FBXL16: variants seen among roughly 807,000 people sequenced by gnomAD.
FBXL16 encodes F-box and leucine rich repeat protein 16.
A neutral mutation model predicts 36.7 loss-of-function variants in FBXL16; 7 were observed. That is an observed-to-expected ratio of 0.19 (90% CI 0.11 to 0.36). The LOEUF (loss-of-function observed/expected upper bound fraction) is 0.36, where lower values mean the gene tolerates loss of function less well. Ranked by LOEUF, FBXL16 falls within the 10% of genes least tolerant of loss-of-function variation. The pLI is 1.00. For synonymous variants in FBXL16, 355 were observed against 308.7 expected, an observed-to-expected ratio of 1.15 and a Z score of -1.57; for missense variants, 463 against 659.4, an observed-to-expected ratio of 0.70 and a Z score of 3.26.
Position 694,637 on chromosome 16 carries a change from C to A in FBXL16, c.1288G>T (p.Ala430Ser). The A allele has an allele frequency of 1.2e-6, 2 of 1,609,436 alleles. No homozygotes were observed. Among genetic ancestry groups the A allele is most frequent in the Non-Finnish European group, 1.7e-6 (2 of 1,178,224 alleles). The change falls in exon 5 of 6, where the codon GCA becomes TCA. Residue 430 changes from alanine to serine, a missense_variant. Physicochemically the swap from Ala to Ser is moderately conservative, Grantham distance 99. Coordinates refer to ENST00000397621, the MANE Select transcript of FBXL16 (RefSeq NM_153350.4). The stretch of plus-strand genomic sequence containing the variant: ...AGAGCAGAAACGGGGGTCTCACCTG[C>A]CAGAGACAGGAGGCGCAAACTCCCC... ...ALGSLRLLSL[A>S]GCPLLTTTGL...
Position 697,729 on chromosome 16 carries a change from G to C in FBXL16, c.-14-310C>G, listed in dbSNP as rs1387502305. Among the ~76,000 whole-genome samples, 1 of 152,018 alleles carries C rather than the reference G, an allele frequency of 6.6e-6. No homozygotes were observed. Among genetic ancestry groups the C allele is most frequent in the Non-Finnish European group, 1.5e-5 (1 of 68,010 alleles). ...TTGAAACAGAGTTCCGGCCGGGCGCGGTGGCTCATGCCTGTAATCCCAGCA... is the reference window on the plus strand; with the variant it reads ...TTGAAACAGAGTTCCGGCCGGGCGCCGTGGCTCATGCCTGTAATCCCAGCA... On this transcript the variant is annotated intron_variant, in intron 1 of 5. Transcript: ENST00000397621. The surrounding 1 kb of genome is among the most constrained non-coding windows in gnomAD (Gnocchi z 4.6).
Position 696,890 on chromosome 16 carries a change from G to A in FBXL16, c.516C>T (p.Cys172=), listed in dbSNP as rs1192265597. The part of the protein sequence containing the change: ...GFAARGFEGF[C]LVGVSDLDIC... ...TGTCCAGGTCGGAGACGCCAACCAG[G>A]CAGAAGCCCTCGAAGCCTCTGGCGG... Residue 172 remains cysteine, a synonymous_variant, in exon 2 of 6, where the codon TGC becomes TGT. Transcript: ENST00000397621. The A allele has an allele frequency of 2.5e-6, 4 of 1,610,042 alleles. No homozygotes were observed. The highest frequency in any genetic ancestry group is 8.5e-7 in the Non-Finnish European group (1 of 1,179,084).
At chr16:705,078 G>A (rs1233188188) in intron 1 of FBXL16, among the ~76,000 whole-genome samples, 1 of 152,124 alleles carries the variant, frequency 6.6e-6, no homozygotes, top group African/African-American at 2.4e-5. Flanking sequence ...TCCAGAAGCC[G>A]CCCGCCCGGG....
At chr16:702,509 G>A (rs977982991) in intron 1 of FBXL16, among the ~76,000 whole-genome samples, 8 of 152,176 alleles carry the variant, frequency 5.3e-5, no homozygotes, top group African/African-American at 1.2e-4. Context: ...GCATGTTCGC[G>A]GAATGAATGA....
At chr16:705,235 C>T (rs1029560016) in intron 1 of FBXL16, among the ~76,000 whole-genome samples, 1 of 152,210 alleles carries the variant, frequency 6.6e-6, no homozygotes, top group Non-Finnish European at 1.5e-5. Context: ...TTTCGGCGTC[C>T]CAGGAGGCAC....
At chr16:694,553 A>G in intron 5 of FBXL16, 81 bp downstream of exon 5, 1 of 1,528,490 alleles carries the variant, frequency 6.5e-7, no homozygotes, top group Non-Finnish European at 8.9e-7. Flanking sequence ...GAGTTTGCAC[A>G]AGGACCGGGC....
intron 5 of FBXL16, 37 bp downstream of exon 5, chr16:694,597 G>A (rs1204404701): frequency 3.1e-6 from 5 of 1,587,992 alleles, no homozygotes; most frequent in Non-Finnish European, 4.3e-6. Context: ...GGGGTGGGTG[G>A]TCACTGCCAG....
At chr16:694,530 C>T (rs2039995562) in intron 5 of FBXL16, 104 bp downstream of exon 5, 4 of 1,514,840 alleles carry the variant, frequency 2.6e-6, no homozygotes, top group South Asian at 2.5e-5. Context: ...GACTGTGTGT[C>T]CGCGCCGGGT....
chr16:696,752 C>G, intron 2 of FBXL16, 21 bp downstream of exon 2: 1 of 1,249,822 alleles, frequency 8.0e-7, no homozygotes, highest in Non-Finnish European at 1.0e-6. Context: ...CAGCCCTGTC[C>G]CCCCCGAGCC....
At chr16:694,750 G>A (rs1379386526) in intron 4 of FBXL16, 53 bp from the exon 5 acceptor site, 17 of 1,528,586 alleles carry the variant, frequency 1.1e-5, no homozygotes, top group Admixed American at 3.8e-5. Flanking sequence ...CGAGGCGGAG[G>A]GCACCCTGGG....
intron 2 of FBXL16, among the ~76,000 whole-genome samples, chr16:696,421 G>A (rs1211608154): frequency 6.6e-6 from 1 of 152,016 alleles, no homozygotes; most frequent in African/African-American, 2.4e-5. Context: ...CCACCACCAG[G>A]CCTGGCTAAT....
At chr16:704,514 A>G (rs1300301166) in intron 1 of FBXL16, among the ~76,000 whole-genome samples, 3 of 152,120 alleles carry the variant, frequency 2.0e-5, no homozygotes, top group African/African-American at 4.8e-5. Flanking sequence ...CTCTGGCCAG[A>G]CCAGCCAGGT....
At position 694,571 on chromosome 16, in the gene FBXL16, G is replaced by A. The variant is rs1203749195; in HGVS notation, c.1291+63C>T. ...TTTGCACAAGGACCGGGCAGGTTGG[G>A]CGGGTGGACTAAGTGGGGGTGGGTG... is the stretch of plus-strand genomic sequence containing the variant. On this transcript the variant is annotated intron_variant, in intron 5 of 5. Transcript: ENST00000397621. The A allele has an allele frequency of 1.2e-5, 19 of 1,545,528 alleles. No homozygotes were observed. The South Asian group carries it at 1.4e-4, about 12-fold the overall frequency.
rs538668302 is a variant in FBXL16 at position 696,044 on chromosome 16, G to A, written c.634-121C>T. Reference sequence around the variant, plus strand: ...CTGAAAACATTTGGCAGTGTGTGAGGAGGCGGGGCATCGGGACGAGAGCCC... The same window carrying A: ...CTGAAAACATTTGGCAGTGTGTGAGAAGGCGGGGCATCGGGACGAGAGCCC... On this transcript the variant is annotated intron_variant, in intron 2 of 5. Coordinates refer to ENST00000397621, the MANE Select transcript of FBXL16 (RefSeq NM_153350.4). The A allele has an allele frequency of 5.5e-5, 76 of 1,384,350 alleles. No individual in the cohort carries two copies. In the East Asian group the frequency reaches 1.1e-3, roughly 19 times the overall value. 85.8% of individuals were successfully genotyped at this position (1,384,350 alleles called of 1,614,324 possible).
intron 2 of FBXL16, 40 bp downstream of exon 2, chr16:696,733 C>T: frequency 6.8e-7 from 1 of 1,481,012 alleles, no homozygotes. Flanking sequence ...GCTGCCCGCC[C>T]CTGCCCCCCA....
At position 695,498 on chromosome 16, in the gene FBXL16, G is replaced by C. The variant is rs1489063111; in HGVS notation, c.1059C>G (p.Leu353=). The C allele has an allele frequency of 1.3e-6, 2 of 1,593,286 alleles. No individual in the cohort carries two copies. Among genetic ancestry groups the C allele is most frequent in the Non-Finnish European group, 8.5e-7 (1 of 1,176,214 alleles). Residue 353 remains leucine, a synonymous_variant, in exon 3 of 6, where the codon CTC becomes CTG. Transcript: ENST00000397621. Reference sequence around the variant, plus strand: ...TGTCGGTGATGCGTGGGCACCACGAGAGGTCAAGGCTGCGCAGCTTGCGCA... The same window carrying C: ...TGTCGGTGATGCGTGGGCACCACGACAGGTCAAGGCTGCGCAGCTTGCGCA... ...ENLRKLRSLD[L]SWCPRITDMA... is the part of the protein sequence containing the mutation.
rs775818903 is a variant in FBXL16 at position 694,651 on chromosome 16, C to T, written c.1274G>A (p.Arg425His). The T allele has an allele frequency of 6.2e-7, 1 of 1,610,064 alleles. No homozygotes were observed. Among genetic ancestry groups the T allele is most frequent in the Non-Finnish European group, 8.5e-7 (1 of 1,178,570 alleles). The change falls in exon 5 of 6, where the codon CGC (arginine) becomes CAC (histidine). Residue 425 changes from arginine (R) to histidine (H), a missense_variant. Arg to His is a conservative substitution (Grantham distance 29, BLOSUM62 0). Transcript: ENST00000397621. ...GGTCTCACCTGCCAGAGACAGGAGG[C>T]GCAAACTCCCCAGGGCCAGGAGGTG... ...LKHLLALGSL[R>H]LLSLAGCPLL...
Position 696,648 on chromosome 16 carries a change from C to A in FBXL16, c.633+125G>T, listed in dbSNP as rs1243281815. The A allele has an allele frequency of 6.3e-6, 6 of 949,800 alleles. No homozygotes were observed. In the African/African-American group the frequency reaches 1.0e-4, roughly 16 times the overall value. The allele number at this position is 949,800 out of a possible 1,614,324, so 58.8% of individuals were successfully genotyped here. A position where few individuals can be genotyped will look rare whatever the true frequency, so the allele number is the denominator to read the frequency against. On this transcript the variant is annotated intron_variant, in intron 2 of 5. Transcript: ENST00000397621. ...AAGGGACCCACATTTTCGCTTTGCG[C>A]GAGGTCCCCTGTAGTCAGTCCTTCT... is the stretch of plus-strand genomic sequence containing the variant.
In FBXL16 at chr16:695,663, C is replaced by G. The variant is rs1268844220; in HGVS notation, c.894G>C (p.Thr298=). Residue 298 remains threonine, a synonymous_variant, in exon 3 of 6, where the codon ACG becomes ACC. Coordinates refer to ENST00000397621, the MANE Select transcript of FBXL16 (RefSeq NM_153350.4). The stretch of plus-strand genomic sequence containing the variant: ...TCTCCCAGCAGGAGAGCAGGCGCAG[C>G]GTGTGCGTGCTGTGGCCCTGGCGCG... The part of the protein sequence containing the change: ...FTARQGHSTH[T]LRLLSCWEIT... The G allele has an allele frequency of 6.2e-7, 1 of 1,606,222 alleles. No individual in the cohort carries two copies. Among genetic ancestry groups the G allele is most frequent in the Non-Finnish European group, 8.5e-7 (1 of 1,179,332 alleles).
Sources: allele counts gnomAD v4.1 joint callset (sites outside exome capture counted in the v4.1 genomes callset), GRCh38; gene constraint gnomAD v4.1.1; non-coding constraint Gnocchi (gnomAD v3.1); transcripts MANE v1.5; gene names NCBI Gene and HGNC (gene_info 2026-07-23, HGNC 2026-07-21).